Variants in CDH6 observed in about 807,000 individuals in gnomAD.
The protein encoded by CDH6 is cadherin 6.
Under a neutral mutation model 78.0 loss-of-function variants are expected in CDH6, and 31 were observed. That is an observed-to-expected ratio of 0.40 (90% confidence interval 0.30 to 0.54). CDH6 has a LOEUF of 0.54. Among genes scored for constraint, CDH6 ranks in the 20% least tolerant of loss-of-function variants. CDH6 has a pLI of 0.56. For synonymous variants in CDH6, 376 were observed against 368.8 expected (o/e 1.02, Z -0.23); for missense variants, 724 against 975.9 (o/e 0.74, Z 3.44).
Position 31,294,704 on chromosome 5 carries a change from G to A in CDH6, c.523+448G>A, listed in dbSNP as rs2161007. Among the ~76,000 whole-genome samples the A allele has an allele frequency of 0.048, 7,300 of 152,202 alleles. 569 individuals are homozygous for A. Among genetic ancestry groups the A allele is most frequent in the African/African-American group, 0.17 (6,914 of 41,510 alleles). The stretch of plus-strand genomic sequence containing the variant: ...TTAAGTAACTAGTAACTGTATATTT[G>A]GGAAGGAGATCAAAGAACTTTTTTT... On this transcript the variant is annotated intron_variant, in intron 3 of 11. Transcript: ENST00000265071. The surrounding 1 kb of genome is among the most constrained non-coding windows in gnomAD (Gnocchi z 4.1).
chr5:31,309,658 A>G (rs1579907342), intron 7 of CDH6, among the ~76,000 whole-genome samples: 1 of 150,726 alleles, frequency 6.6e-6, no homozygotes, highest in African/African-American at 2.4e-5. Context: ...AACTGCTATA[A>G]AGAACTACCT....
intron 2 of CDH6, 32 bp downstream of exon 2, chr5:31,267,733 G>T: frequency 1.3e-6 from 2 of 1,509,800 alleles, no homozygotes; most frequent in South Asian, 2.3e-5. Context: ...TGACATTCTG[G>T]GTTTAAAGCC....
chr5:31,324,346 C>A lies in CDH6; in HGVS notation c.*1038C>A. The A allele has an allele frequency of 4.7e-6, 1 of 214,116 alleles. No individual in the cohort carries two copies. The highest frequency in any genetic ancestry group is 9.4e-6 in the Non-Finnish European group (1 of 106,156). The allele number at this position is 214,116 out of a possible 1,614,324, so 13.3% of individuals were successfully genotyped here. On this transcript the variant is annotated 3_prime_UTR_variant, in exon 12 of 12. Coordinates refer to ENST00000265071, the MANE Select transcript of CDH6 (RefSeq NM_004932.4). ...AAGTTAGATTAAATAAAACTTAAAT[C>A]TCACTCTAGGAGTTCAGTGGAGAGG...
chr5:31,223,582 AAAAACTAAT>A (rs1741060509), intron 1 of CDH6, among the ~76,000 whole-genome samples: 2 of 152,178 alleles, frequency 1.3e-5, no homozygotes, highest in Non-Finnish European at 2.9e-5. Flanking sequence ...TTCATTCTTA[AAAAACTAAT>A]TAGTATGCTA....
rs1300744734 is a variant in CDH6, at chr5:31,324,164, G to A, written c.*856G>A. ...CTATCAGTAGGCTAATGTCAAAATT[G>A]TTTAAAAATTCTTGAAAGAATTTTC... On this transcript the variant is annotated 3_prime_UTR_variant, in exon 12 of 12. Transcript: ENST00000265071. 2 of 218,738 alleles carry A rather than the reference G, an allele frequency of 9.1e-6. No individual in the cohort carries two copies. Among genetic ancestry groups the A allele is most frequent in the African/African-American group, 4.5e-5 (2 of 44,588 alleles). The allele number at this position is 218,738 out of a possible 1,614,324, so 13.5% of individuals were successfully genotyped here.
chr5:31,242,475 C>A (rs1741630002), intron 1 of CDH6, among the ~76,000 whole-genome samples: 4 of 152,122 alleles, frequency 2.6e-5, no homozygotes, highest in Admixed American at 2.0e-4. Flanking sequence ...TGGGCATGAA[C>A]CCACTGCTTT....
At chr5:31,195,466 C>A (rs1740139508) in intron 1 of CDH6, among the ~76,000 whole-genome samples, 1 of 152,108 alleles carries the variant, frequency 6.6e-6, no homozygotes. Context: ...AAAAGGAAAA[C>A]CCTTAGGATT....
At chr5:31,232,916 TC>T (rs1741351023) in intron 1 of CDH6, among the ~76,000 whole-genome samples, 1 of 152,086 alleles carries the variant, frequency 6.6e-6, no homozygotes, top group Non-Finnish European at 1.5e-5. Flanking sequence ...CCTTTAATAC[TC>T]CCCGTTGTAC....
At chr5:31,274,779 T>C (rs1018029194) in intron 2 of CDH6, among the ~76,000 whole-genome samples, 6 of 152,214 alleles carry the variant, frequency 3.9e-5, no homozygotes, top group Non-Finnish European at 8.8e-5. Flanking sequence ...GAGATCTCGC[T>C]ACTGCACTCC....
chr5:31,280,094 G>A (rs1165371968), intron 2 of CDH6, among the ~76,000 whole-genome samples: 1 of 152,128 alleles, frequency 6.6e-6, no homozygotes, highest in African/African-American at 2.4e-5. Flanking sequence ...CGTGGCCATT[G>A]AAATCTTGAC....
intron 1 of CDH6, among the ~76,000 whole-genome samples, chr5:31,228,727 G>T (rs1029983580): frequency 1.3e-5 from 2 of 152,258 alleles, no homozygotes; most frequent in Non-Finnish European, 2.9e-5. Context: ...AATAGGGTTC[G>T]CCCTCCTATG....
chr5:31,257,119 T>A (rs1742075433), intron 1 of CDH6, among the ~76,000 whole-genome samples: 1 of 152,230 alleles, frequency 6.6e-6, no homozygotes, highest in South Asian at 2.1e-4. Flanking sequence ...GTGCTGTATT[T>A]GTAACATGGT....
intron 2 of CDH6, among the ~76,000 whole-genome samples, chr5:31,291,707 T>C (rs1743168714): frequency 1.3e-5 from 2 of 152,220 alleles, no homozygotes; most frequent in African/African-American, 4.8e-5. Flanking sequence ...AAATAGCTTT[T>C]TAAGAGCCTC....
chr5:31,321,367 A>G (rs1244581817), intron 11 of CDH6, among the ~76,000 whole-genome samples: 1 of 152,224 alleles, frequency 6.6e-6, no homozygotes, highest in Non-Finnish European at 1.5e-5. Flanking sequence ...GAAATAGTCT[A>G]TACTCCAAAT....
intron 1 of CDH6, among the ~76,000 whole-genome samples, chr5:31,214,945 T>C (rs1740823621): frequency 6.6e-6 from 1 of 152,214 alleles, no homozygotes; most frequent in Non-Finnish European, 1.5e-5. Flanking sequence ...ATTGAAATTA[T>C]AGTCCTGCTG....
intron 2 of CDH6, among the ~76,000 whole-genome samples, chr5:31,283,354 A>G (rs572470056): frequency 3.3e-5 from 5 of 152,276 alleles, no homozygotes; most frequent in South Asian, 2.1e-4. Flanking sequence ...AAACACAGGG[A>G]AAAAAATGTG....
rs1485839003 is a variant in CDH6, at chr5:31,305,409, C to T, written c.1235C>T (p.Ala412Val). 6.2e-7 allele frequency: 1 copy of T among 1,613,692 alleles called. No homozygotes were observed. The highest frequency in any genetic ancestry group is 1.1e-5 in the South Asian group (1 of 91,018). Reference protein sequence around the residue: ...IGSVTAQDPDAARNPVKYSVD... With the variant: ...IGSVTAQDPDVARNPVKYSVD... ...TCCGTCACAGCCCAAGATCCAGATG[C>T]TGCCAGGAATCCTGTCAAGTAAGCA... Residue 412 changes from alanine (A) to valine (V), a missense_variant, in exon 7 of 12, where the codon GCT becomes GTT. By Grantham distance (64) the Ala-to-Val change is moderately conservative. This residue lies in a region of CDH6 where 446 missense variants were observed against 684.5 expected (regional missense o/e 0.65). Transcript: ENST00000265071.
chr5:31,208,357 C>T (rs1225869732), intron 1 of CDH6, among the ~76,000 whole-genome samples: 2 of 152,148 alleles, frequency 1.3e-5, no homozygotes, highest in African/African-American at 4.8e-5. Flanking sequence ...CCAAAGGCCA[C>T]GAGGGGTTTT....
chr5:31,247,666 G>C (rs1741790640), intron 1 of CDH6, among the ~76,000 whole-genome samples: 1 of 152,186 alleles, frequency 6.6e-6, no homozygotes, highest in Non-Finnish European at 1.5e-5. Context: ...TATGAAAAGT[G>C]ATGATTCATT....
Sources: allele counts gnomAD v4.1 joint callset (sites outside exome capture counted in the v4.1 genomes callset), GRCh38; gene constraint gnomAD v4.1.1; regional missense constraint gnomAD v4.1.1; non-coding constraint Gnocchi (gnomAD v3.1); transcripts MANE v1.5; gene names NCBI Gene and HGNC (gene_info 2026-07-23, HGNC 2026-07-21).